The following USP47 variants were observed in gnomAD, a reference collection of about 807,000 sequenced individuals.
USP47 encodes the protein ubiquitin carboxyl-terminal hydrolase 47.
A neutral mutation model predicts 165.1 loss-of-function variants in USP47; 35 were observed. That is an observed-to-expected ratio of 0.21 (90% CI 0.16 to 0.28). USP47 has a LOEUF of 0.28. Ranked by LOEUF, USP47 falls within the 10% of genes least tolerant of loss-of-function variation. USP47 has a pLI of 1.00. For missense variants in USP47, 1,277 were observed against 1,607.4 expected (o/e 0.79, Z 3.52); for synonymous variants, 531 against 544.5 (o/e 0.98, Z 0.35).
At chr11:11,938,625 C>T (rs1855245941) in intron 18 of USP47, among the ~76,000 whole-genome samples, 1 of 152,038 alleles carries the variant, frequency 6.6e-6, no homozygotes, top group African/African-American at 2.4e-5. Flanking sequence ...AATGTAAGTA[C>T]AGTTTATTTC....
At chr11:11,927,017 T>G (rs1464003199) in intron 11 of USP47, among the ~76,000 whole-genome samples, 1 of 151,928 alleles carries the variant, frequency 6.6e-6, no homozygotes, top group Non-Finnish European at 1.5e-5. Context: ...CCAGTTTTCC[T>G]TTTGCTATTG....
chr11:11,920,929 G>A (rs1853790334), intron 10 of USP47, among the ~76,000 whole-genome samples: 1 of 150,670 alleles, frequency 6.6e-6, no homozygotes, highest in Non-Finnish European at 1.5e-5. Context: ...TTAATTTCTT[G>A]TACTTACCTA....
intron 1 of USP47, among the ~76,000 whole-genome samples, chr11:11,848,607 A>ATTTTTT (rs35165430): frequency 8.8e-6 from 1 of 113,482 alleles, no homozygotes. Flanking sequence ...TGAAACTGGC[A>ATTTTTT]TTTTTTTTTT....
chr11:11,870,997 G>GT (rs1481878238), intron 1 of USP47, among the ~76,000 whole-genome samples: 1 of 152,104 alleles, frequency 6.6e-6, no homozygotes, highest in Non-Finnish European at 1.5e-5. Flanking sequence ...GGTCCTGGAT[G>GT]TTTTTTATTC....
chr11:11,853,740 G>C (rs999141816), intron 1 of USP47, among the ~76,000 whole-genome samples: 2 of 152,138 alleles, frequency 1.3e-5, no homozygotes, highest in African/African-American at 2.4e-5. Context: ...AACTGTTATT[G>C]ATATAACCTG....
chr11:11,961,621 T>C lies in USP47; in HGVS notation c.*5446T>C, dbSNP rs1317092918. On this transcript the variant is annotated 3_prime_UTR_variant, in exon 28 of 28. Coordinates refer to ENST00000527733, the MANE Select transcript of USP47 (RefSeq NM_001282659.2). ...GCCAAATGTCGCTTCCTGAGCACCA[T>C]ACTCAAAGGCAGGGGAAGTGGATGG... Among the ~76,000 whole-genome samples the C allele has an allele frequency of 1.3e-5, 2 of 152,216 alleles. No individual in the cohort carries two copies. The highest frequency in any genetic ancestry group is 1.3e-4 in the Admixed American group (2 of 15,288).
In USP47 at chr11:11,842,022, G is replaced by C. The variant is rs1590206148; in HGVS notation, c.-164G>C. On this transcript the variant is annotated 5_prime_UTR_variant, in exon 1 of 28. Transcript: ENST00000527733. ...GCGGCGGCGGCGGAGCCCTGGGTCGGTGTCTGCGCGCTGGTGTCTGAGGCC... is the reference window on the plus strand; with the variant it reads ...GCGGCGGCGGCGGAGCCCTGGGTCGCTGTCTGCGCGCTGGTGTCTGAGGCC... 1 of 794,588 alleles carries C rather than the reference G, an allele frequency of 1.3e-6. No homozygotes were observed. The highest frequency in any genetic ancestry group is 1.9e-6 in the Non-Finnish European group (1 of 521,462). The allele number at this position is 794,588 out of a possible 1,614,324, so 49.2% of individuals were successfully genotyped here.
At chr11:11,948,808 C>G (rs187990026) in intron 22 of USP47, 1 of 334,644 alleles carries the variant, frequency 3.0e-6, no homozygotes, top group Non-Finnish European at 5.5e-6. Context: ...CAAAAGCAGG[C>G]AGCAGTGAAC....
At chr11:11,935,058 C>T (rs1365958616) in intron 16 of USP47, among the ~76,000 whole-genome samples, 1 of 152,066 alleles carries the variant, frequency 6.6e-6, no homozygotes, top group Non-Finnish European at 1.5e-5. Flanking sequence ...CAGAATTTCT[C>T]TGTTGGAGCC....
At chr11:11,900,354 G>T (rs1457810423) in intron 5 of USP47, among the ~76,000 whole-genome samples, 1 of 151,808 alleles carries the variant, frequency 6.6e-6, no homozygotes, top group Non-Finnish European at 1.5e-5. Flanking sequence ...TAGAGATGGG[G>T]TTTCACCGTG....
chr11:11,916,387 T>G (rs1291997818), intron 8 of USP47, among the ~76,000 whole-genome samples: 1 of 152,194 alleles, frequency 6.6e-6, no homozygotes, highest in African/African-American at 2.4e-5. Flanking sequence ...ATCAACATGG[T>G]ACTCTGACTG....
intron 4 of USP47, among the ~76,000 whole-genome samples, chr11:11,896,188 A>G (rs1386934498): frequency 6.6e-6 from 1 of 152,228 alleles, no homozygotes; most frequent in African/African-American, 2.4e-5. Flanking sequence ...TAAAATAAAG[A>G]GCTATGGCAA....
At position 11,884,457 on chromosome 11, in the gene USP47, A is replaced by G. The variant is rs971917105; in HGVS notation, c.244-10A>G. ...CTCATAATCTGAAACATTATGTTTT[A>G]TGTCCATAGGCACCACTGGATCATA... On this transcript the variant is annotated splice_polypyrimidine_tract_variant and intron_variant, in intron 2 of 27. Coordinates refer to ENST00000527733, the MANE Select transcript of USP47 (RefSeq NM_001282659.2). The G allele has an allele frequency of 6.4e-6, 10 of 1,562,440 alleles. No individual in the cohort carries two copies. The highest frequency in any genetic ancestry group is 8.6e-6 in the Non-Finnish European group (10 of 1,157,748).
At chr11:11,944,014 T>C (rs998044747) in intron 20 of USP47, among the ~76,000 whole-genome samples, 1 of 151,740 alleles carries the variant, frequency 6.6e-6, no homozygotes, top group South Asian at 2.1e-4. Context: ...CCAAAGCTCA[T>C]AGAGGATGAA....
At chr11:11,932,890 T>C (rs1225283364) in intron 14 of USP47, 114 bp from the exon 15 acceptor site, 21 of 727,002 alleles carry the variant, frequency 2.9e-5, no homozygotes, top group Non-Finnish European at 4.5e-5. Flanking sequence ...AATGGAGATA[T>C]ATCTCCATGA....
chr11:11,842,757 C>T (rs1848204665), intron 1 of USP47, among the ~76,000 whole-genome samples: 1 of 151,360 alleles, frequency 6.6e-6, no homozygotes, highest in South Asian at 2.1e-4. Flanking sequence ...TGGGGCCTAC[C>T]GAAGATCGTG....
intron 1 of USP47, among the ~76,000 whole-genome samples, chr11:11,849,528 C>G (rs1025199303): frequency 6.6e-6 from 1 of 152,136 alleles, no homozygotes; most frequent in Non-Finnish European, 1.5e-5. Flanking sequence ...GTTGAGAAAC[C>G]CTGATTTAGC....
chr11:11,859,226 G>A (rs939324458), intron 1 of USP47, among the ~76,000 whole-genome samples: 62 of 152,092 alleles, frequency 4.1e-4, no homozygotes, highest in African/African-American at 1.4e-3. Context: ...TGATAGAAGG[G>A]AGAGGAATAA....
chr11:11,849,974 G>C (rs1348200968), intron 1 of USP47, among the ~76,000 whole-genome samples: 1 of 152,254 alleles, frequency 6.6e-6, no homozygotes, highest in African/African-American at 2.4e-5. Flanking sequence ...CTGTGTCGAT[G>C]TTGAGATCAG....
Sources: gnomAD v4.1 joint callset for allele counts (sites outside exome capture counted in the v4.1 genomes callset) on GRCh38, gnomAD v4.1.1 for gene constraint, MANE v1.5 for transcripts, NCBI Gene and HGNC (gene_info 2026-07-23, HGNC 2026-07-21) for gene names.